ANO3: variants seen among roughly 807,000 people sequenced by gnomAD.
ANO3 encodes the protein anoctamin 3.
In ANO3, 99 loss-of-function variants were observed where a neutral mutation model predicts 144.8. The ratio of observed to expected loss-of-function variants is 0.68; its 90% CI spans 0.58 to 0.81. The LOEUF is 0.81. ANO3 is among the 30% of genes least tolerant of loss of function. The pLI is 0.00. For synonymous variants in ANO3, 414 were observed against 392.6 expected, an observed-to-expected ratio of 1.05 and a Z score of -0.64; for missense variants, 905 against 1,202.2, an observed-to-expected ratio of 0.75 and a Z score of 3.66.
intron 23 of ANO3, among the ~76,000 whole-genome samples, chr11:26,644,067 A>C (rs879263164): frequency 1.3e-5 from 2 of 152,332 alleles, no homozygotes; most frequent in East Asian, 3.9e-4. Flanking sequence ...TTATTATAGC[A>C]GCATAAAGGC....
At chr11:26,288,910 T>C (rs1853870383) in intron 1 of ANO3, among the ~76,000 whole-genome samples, 1 of 152,192 alleles carries the variant, frequency 6.6e-6, no homozygotes, top group Non-Finnish European at 1.5e-5. Context: ...TTCAAATTTA[T>C]TACAACTTAG....
At chr11:26,315,952 G>T (rs531512865) in intron 1 of ANO3, among the ~76,000 whole-genome samples, 4 of 152,182 alleles carry the variant, frequency 2.6e-5, no homozygotes, top group Middle Eastern at 3.4e-3. Context: ...AATTAATTAT[G>T]CCAATTATGT....
At chr11:26,426,657 G>T in intron 1 of ANO3, among the ~76,000 whole-genome samples, 1 of 152,140 alleles carries the variant, frequency 6.6e-6, no homozygotes, top group East Asian at 1.9e-4. Context: ...TTGAACTAGT[G>T]AAACATGGTG....
chr11:26,441,299 A>G (rs1170034811), intron 1 of ANO3, among the ~76,000 whole-genome samples: 2 of 150,178 alleles, frequency 1.3e-5, no homozygotes, highest in Non-Finnish European at 3.0e-5. Flanking sequence ...TTGTATTTTT[A>G]GTAGAGACGG....
intron 1 of ANO3, among the ~76,000 whole-genome samples, chr11:26,218,969 A>G (rs1004931669): frequency 1.3e-5 from 2 of 152,156 alleles, no homozygotes; most frequent in Non-Finnish European, 2.9e-5. Context: ...TAATTCTTAA[A>G]TGCTTACCAC....
At chr11:26,576,957 TTTC>T (rs1408618258) in intron 14 of ANO3, among the ~76,000 whole-genome samples, 4 of 147,668 alleles carry the variant, frequency 2.7e-5, no homozygotes, top group Non-Finnish European at 3.0e-5. Flanking sequence ...AAGTTTACTT[TTTC>T]TTCTTTTTAG....
chr11:26,349,563 T>C (rs1046826300), intron 1 of ANO3, among the ~76,000 whole-genome samples: 1 of 152,156 alleles, frequency 6.6e-6, no homozygotes, highest in Non-Finnish European at 1.5e-5. Context: ...TTTTTTGTTT[T>C]TTTGAGACAG....
At chr11:26,374,327 T>C (rs1472463576) in intron 1 of ANO3, among the ~76,000 whole-genome samples, 1 of 152,176 alleles carries the variant, frequency 6.6e-6, no homozygotes, top group East Asian at 1.9e-4. Flanking sequence ...TTTGACATGG[T>C]CAGGGCAAAG....
At chr11:26,468,567 T>C (rs1278331877) in intron 4 of ANO3, among the ~76,000 whole-genome samples, 2 of 152,000 alleles carry the variant, frequency 1.3e-5, no homozygotes, top group Non-Finnish European at 2.9e-5. Flanking sequence ...ACACTGGTCA[T>C]ATGATGGAGA....
intron 1 of ANO3, among the ~76,000 whole-genome samples, chr11:26,262,114 A>G (rs1444455286): frequency 1.3e-5 from 2 of 152,208 alleles, no homozygotes; most frequent in Non-Finnish European, 2.9e-5. Flanking sequence ...TAGAATAGAG[A>G]AAATTTAGCC....
Position 26,656,456 on chromosome 11 carries a change from G to C in ANO3, c.2738G>C (p.Arg913Thr). The C allele has an allele frequency of 1.2e-6, 2 of 1,610,474 alleles. No homozygotes were observed. The highest frequency in any genetic ancestry group is 1.7e-6 in the Non-Finnish European group (2 of 1,176,780). The change falls in exon 26 of 27, where the codon AGA becomes ACA. Residue 913 changes from arginine (R) to threonine (T), a missense_variant. Physicochemically the swap from Arg to Thr is moderately conservative, Grantham distance 71. Coordinates refer to ENST00000256737, the MANE Select transcript of ANO3 (RefSeq NM_031418.4). The stretch of plus-strand genomic sequence containing the variant: ...CAATACTGGCATATCCTTGCTGCTA[G>C]ATTGGCCTTCATTATTGTGTTTGAG... ...TLQYWHILAA[R>T]LAFIIVFEHL...
chr11:26,509,101 C>CTA (rs1429547098), intron 5 of ANO3, among the ~76,000 whole-genome samples: 52 of 109,032 alleles, frequency 4.8e-4, no homozygotes, highest in East Asian at 2.0e-3. Context: ...CTATCTCTCT[C>CTA]TCTCTATATA....
chr11:26,243,565 G>A (rs560394505), intron 1 of ANO3, among the ~76,000 whole-genome samples: 1 of 152,210 alleles, frequency 6.6e-6, no homozygotes, highest in African/African-American at 2.4e-5. Flanking sequence ...GGTTGGCTTT[G>A]TTCCTGGAAA....
intron 1 of ANO3, among the ~76,000 whole-genome samples, chr11:26,378,433 A>ATCTG (rs1263180859): frequency 2.0e-5 from 2 of 101,100 alleles, no homozygotes; most frequent in African/African-American, 5.7e-5. Flanking sequence ...CTATCTATCT[A>ATCTG]TCATCTATCT....
At chr11:26,472,726 T>A (rs1415944699) in intron 4 of ANO3, among the ~76,000 whole-genome samples, 1 of 151,904 alleles carries the variant, frequency 6.6e-6, no homozygotes, top group Admixed American at 6.6e-5. Flanking sequence ...TAGATCCTGA[T>A]AAATTTTAAA....
intron 1 of ANO3, among the ~76,000 whole-genome samples, chr11:26,351,769 G>A (rs1486048617): frequency 6.6e-6 from 1 of 152,184 alleles, no homozygotes; most frequent in Non-Finnish European, 1.5e-5. Flanking sequence ...TACACATCCA[G>A]TTAGGTTACA....
chr11:26,450,857 T>C (rs1858904484), intron 3 of ANO3, among the ~76,000 whole-genome samples: 1 of 152,164 alleles, frequency 6.6e-6, no homozygotes, highest in South Asian at 2.1e-4. Flanking sequence ...AAAATGACAT[T>C]ATAGTAAAGA....
At chr11:26,455,954 A>T (rs1043481100) in intron 3 of ANO3, among the ~76,000 whole-genome samples, 5 of 151,814 alleles carry the variant, frequency 3.3e-5, no homozygotes, top group African/African-American at 1.2e-4. Context: ...GACAAACCTG[A>T]GAAAAACAAG....
At chr11:26,511,909 CAG>C (rs1861679152) in intron 5 of ANO3, among the ~76,000 whole-genome samples, 1 of 151,940 alleles carries the variant, frequency 6.6e-6, no homozygotes, top group Non-Finnish European at 1.5e-5. Flanking sequence ...CAGAAAAAAA[CAG>C]GGTACTAAAT....
Sources: allele counts gnomAD v4.1 joint callset (sites outside exome capture counted in the v4.1 genomes callset), GRCh38; gene constraint gnomAD v4.1.1; transcripts MANE v1.5; gene names NCBI Gene and HGNC (gene_info 2026-07-23, HGNC 2026-07-21).